Variants in CAPS2 observed in about 807,000 individuals in gnomAD.
CAPS2 encodes calcyphosin-2.
A neutral mutation model predicts 86.5 loss-of-function variants in CAPS2; 98 were observed. The ratio of observed to expected loss-of-function variants is 1.13; its 90% confidence interval spans 0.96 to 1.34. The LOEUF is 1.34. CAPS2 is among the 40% of genes most tolerant of loss of function. The probability of loss-of-function intolerance (pLI) is 0.00; values close to 1 mark genes in which losing one functional copy is unlikely to be tolerated. For missense variants in CAPS2, 729 were observed against 686.8 expected (o/e 1.06, Z -0.69); for synonymous variants, 210 against 225.1 (o/e 0.93, Z 0.60).
chr12:75,367,994 T>G (rs1169105637), intron 1 of CAPS2, among the ~76,000 whole-genome samples: 1 of 152,130 alleles, frequency 6.6e-6, no homozygotes, highest in African/African-American at 2.4e-5. Flanking sequence ...AGTTTTTAAT[T>G]TGAATAAATG....
intron 11 of CAPS2, 25 bp downstream of exon 11, chr12:75,298,662 G>A (rs1322562005): frequency 6.4e-7 from 1 of 1,569,510 alleles, no homozygotes; most frequent in Non-Finnish European, 8.8e-7. Flanking sequence ...GGTATTAAAT[G>A]TGTGCACACA....
At chr12:75,289,754 T>A in exon 14 of CAPS2, 2 of 1,612,182 alleles carry the variant, frequency 1.2e-6, no homozygotes, top group Non-Finnish European at 1.7e-6. Flanking sequence ...ACCTCTTTTA[T>A]GTAGTTTTTC....
intron 1 of CAPS2, among the ~76,000 whole-genome samples, chr12:75,378,819 T>C (rs1217711165): frequency 1.3e-5 from 2 of 152,196 alleles, no homozygotes; most frequent in African/African-American, 2.4e-5. Context: ...ACCAGCCACA[T>C]TGACACACAA....
At chr12:75,308,838 G>A (rs1377948617) in intron 7 of CAPS2, among the ~76,000 whole-genome samples, 1 of 143,482 alleles carries the variant, frequency 7.0e-6, no homozygotes, top group African/African-American at 2.6e-5. Flanking sequence ...TGAGTAAGGC[G>A]CTTGCAGTGA....
At chr12:75,304,633 C>T (rs1024003532) in intron 8 of CAPS2, 124 bp downstream of exon 8, 13 of 684,156 alleles carry the variant, frequency 1.9e-5, no homozygotes, top group Non-Finnish European at 2.8e-5. Context: ...CAAAAAATTC[C>T]ACTTTTCTTT....
intron 7 of CAPS2, among the ~76,000 whole-genome samples, chr12:75,311,056 T>C (rs2039103180): frequency 6.6e-6 from 1 of 152,216 alleles, no homozygotes. Flanking sequence ...CTGAGTTTTG[T>C]GGTGACACAT....
intron 1 of CAPS2, among the ~76,000 whole-genome samples, chr12:75,381,614 GTTT>G (rs34705874): frequency 4.2e-4 from 37 of 87,902 alleles, no homozygotes; most frequent in Non-Finnish European, 5.9e-4. Flanking sequence ...TTTCTTAAGT[GTTT>G]TTTTTTTTTT....
intron 1 of CAPS2, among the ~76,000 whole-genome samples, chr12:75,358,817 AAT>A (rs1341663158): frequency 6.9e-6 from 1 of 144,294 alleles, no homozygotes; most frequent in Non-Finnish European, 1.5e-5. Flanking sequence ...TATATGTTTA[AAT>A]ATATATAATA....
intron 16 of CAPS2, among the ~76,000 whole-genome samples, chr12:75,281,326 C>A (rs1593176953): frequency 6.6e-6 from 1 of 151,906 alleles, no homozygotes; most frequent in African/African-American, 2.4e-5. Context: ...ACATTTATTG[C>A]TTCATTAGTT....
At chr12:75,304,875 C>A in exon 8 of CAPS2, 3 of 1,607,824 alleles carry the variant, frequency 1.9e-6, no homozygotes, top group Non-Finnish European at 2.5e-6. Context: ...CTGATGACAG[C>A]CCTATACAGG....
exon 17 of CAPS2, chr12:75,278,502 T>C: frequency 1.0e-6 from 1 of 988,274 alleles, no homozygotes; most frequent in South Asian, 4.7e-5. Context: ...CAAAAAACAA[T>C]GTGAAAGGAC....
intron 1 of CAPS2, among the ~76,000 whole-genome samples, chr12:75,350,078 G>A (rs150242237): frequency 1.1e-3 from 168 of 152,326 alleles, no homozygotes; most frequent in Non-Finnish European, 2.0e-3. Flanking sequence ...GACTGGTTTG[G>A]ACCAGGAGAA....
At chr12:75,306,030 A>G in intron 7 of CAPS2, 1 of 1,471,392 alleles carries the variant, frequency 6.8e-7, no homozygotes, top group Non-Finnish European at 9.3e-7. Flanking sequence ...ATTCTACTTG[A>G]AGGGCCGCGG....
intron 1 of CAPS2, among the ~76,000 whole-genome samples, chr12:75,378,137 A>G (rs545367170): frequency 6.6e-6 from 1 of 152,004 alleles, no homozygotes; most frequent in African/African-American, 2.4e-5. Context: ...AGCTGGGACC[A>G]CTGGCACGTG....
At chr12:75,360,973 T>A (rs2043546509) in intron 1 of CAPS2, 1 of 152,122 alleles carries the variant, frequency 6.6e-6, no homozygotes, top group African/African-American at 2.4e-5. Flanking sequence ...CTCAGATAAG[T>A]CTGAGGTCTT....
upstream of CAPS2, among the ~76,000 whole-genome samples, chr12:75,330,585 C>G (rs113581110): frequency 2.8e-3 from 428 of 152,146 alleles, 2 homozygotes; most frequent in African/African-American, 1.0e-2. Flanking sequence ...TTTTTAAAGA[C>G]TGTAATATAT....
upstream of CAPS2, among the ~76,000 whole-genome samples, chr12:75,327,442 T>C (rs1197145046): frequency 6.6e-6 from 1 of 152,200 alleles, no homozygotes; most frequent in Non-Finnish European, 1.5e-5. Flanking sequence ...ATCAAATGAA[T>C]ATATTTCATT....
intron 1 of CAPS2, among the ~76,000 whole-genome samples, chr12:75,362,601 A>C (rs1249620024): frequency 6.6e-6 from 1 of 152,154 alleles, no homozygotes; most frequent in Non-Finnish European, 1.5e-5. Context: ...CACATTTTTA[A>C]ATCTTTCACA....
intron 8 of CAPS2, among the ~76,000 whole-genome samples, chr12:75,302,481 C>G (rs1204717893): frequency 2.6e-5 from 4 of 152,058 alleles, no homozygotes; most frequent in African/African-American, 9.7e-5. Flanking sequence ...TAGTGGTAGG[C>G]AGAGATTATT....
Sources: allele counts gnomAD v4.1 joint callset (sites outside exome capture counted in the v4.1 genomes callset), GRCh38; gene constraint gnomAD v4.1.1; transcripts MANE v1.5; gene names NCBI Gene and HGNC (gene_info 2026-07-23, HGNC 2026-07-21).